Variants in OCA2 observed in about 807,000 individuals in gnomAD.
OCA2 encodes the protein OCA2 melanosomal transmembrane protein, also known as P protein.
OCA2 carries 77 observed loss-of-function variants against 100.2 expected under a neutral mutation model. That is an observed-to-expected ratio of 0.77 (90% confidence interval 0.64 to 0.93). The LOEUF is 0.93. Ranked by LOEUF, OCA2 falls within the 40% of genes least tolerant of loss-of-function variation. The pLI, the probability that OCA2 is intolerant of heterozygous loss-of-function variation, is 0.00. For missense variants in OCA2, 1,062 were observed against 1,089.1 expected, an observed-to-expected ratio of 0.98 and a Z score of 0.35; for synonymous variants, 432 against 439.2, an observed-to-expected ratio of 0.98 and a Z score of 0.21.
chr15:27,746,579 G>C, the OCA2 span, among the ~76,000 whole-genome samples: 1 of 152,112 alleles, frequency 6.6e-6, no homozygotes, highest in Non-Finnish European at 1.5e-5. Flanking sequence ...CCTCTTCTGC[G>C]GAACAACCCT....
intron 1 of OCA2, among the ~76,000 whole-genome samples, chr15:28,097,239 C>G (rs900796676): frequency 1.1e-4 from 16 of 152,190 alleles, no homozygotes; most frequent in African/African-American, 2.9e-4. Flanking sequence ...CGCGCTCCGC[C>G]GAAACTGCGC....
intron 9 of OCA2, among the ~76,000 whole-genome samples, chr15:27,999,118 G>A (rs1162363001): frequency 1.3e-5 from 2 of 151,914 alleles, no homozygotes; most frequent in African/African-American, 4.8e-5. Context: ...GTTAATGGGT[G>A]CAGCACACCA....
chr15:27,788,111 T>C (rs2032904813), intron 23 of OCA2, among the ~76,000 whole-genome samples: 1 of 152,072 alleles, frequency 6.6e-6, no homozygotes, highest in East Asian at 1.9e-4. Flanking sequence ...TCAGTCTTTG[T>C]AAATGTATCA....
chr15:27,831,322 T>C (rs1469271457), intron 23 of OCA2, among the ~76,000 whole-genome samples: 1 of 141,012 alleles, frequency 7.1e-6, no homozygotes. Flanking sequence ...CTGAGTCCAG[T>C]GAGTCCAGGC....
chr15:28,089,582 A>G (rs2044838072), intron 1 of OCA2, among the ~76,000 whole-genome samples: 1 of 152,222 alleles, frequency 6.6e-6, no homozygotes, highest in South Asian at 2.1e-4. Flanking sequence ...TCTAAAAAAA[A>G]TGTTCAATTT....
At chr15:27,827,730 G>T (rs1415820999) in intron 23 of OCA2, among the ~76,000 whole-genome samples, 5 of 152,180 alleles carry the variant, frequency 3.3e-5, no homozygotes, top group African/African-American at 1.2e-4. Context: ...TTAAAAGATT[G>T]TGAGAGCTGA....
intron 2 of OCA2, among the ~76,000 whole-genome samples, chr15:28,035,170 T>C (rs2043013196): frequency 6.6e-6 from 1 of 152,240 alleles, no homozygotes; most frequent in South Asian, 2.1e-4. Context: ...CTGATTTTTA[T>C]TACTGTTTAA....
intron 23 of OCA2, among the ~76,000 whole-genome samples, chr15:27,788,623 G>A (rs552668949): frequency 6.6e-6 from 1 of 152,096 alleles, no homozygotes; most frequent in African/African-American, 2.4e-5. Flanking sequence ...ACCTAAATAT[G>A]TAAACAGATT....
At chr15:27,770,889 CCCATCTCCTT>C (rs1566949265) in intron 23 of OCA2, among the ~76,000 whole-genome samples, 19 of 139,980 alleles carry the variant, frequency 1.4e-4, no homozygotes, top group African/African-American at 3.9e-4. Context: ...TTTGCTCCTT[CCCATCTCCTT>C]TTCCTTCCTT....
At chr15:28,062,623 A>G (rs1182222648) in intron 2 of OCA2, among the ~76,000 whole-genome samples, 1 of 152,220 alleles carries the variant, frequency 6.6e-6, no homozygotes, top group African/African-American at 2.4e-5. Flanking sequence ...AATCTAAGAT[A>G]CTGCATAATT....
intron 23 of OCA2, among the ~76,000 whole-genome samples, chr15:27,831,312 C>T (rs1327641623): frequency 1.2e-5 from 1 of 81,788 alleles, no homozygotes; most frequent in African/African-American, 4.0e-5. Flanking sequence ...AAAAATCGGT[C>T]TGAGTCCAGT....
chr15:28,044,734 A>G (rs1026997405), intron 2 of OCA2, among the ~76,000 whole-genome samples: 9 of 152,290 alleles, frequency 5.9e-5, no homozygotes, highest in African/African-American at 1.7e-4. Flanking sequence ...CTTGGGATCA[A>G]TTGACCCCTG....
intron 17 of OCA2, among the ~76,000 whole-genome samples, chr15:27,954,779 G>A (rs917056519): frequency 6.6e-6 from 1 of 151,948 alleles, no homozygotes; most frequent in African/African-American, 2.4e-5. Context: ...TCCTATGTCT[G>A]CCCCTAAAGC....
At chr15:27,873,326 GTCC>G (rs879657280) in intron 19 of OCA2, among the ~76,000 whole-genome samples, 39 of 152,338 alleles carry the variant, frequency 2.6e-4, no homozygotes, top group Admixed American at 2.1e-3. Flanking sequence ...CACAGCCACT[GTCC>G]TCTGGGGGAG....
chr15:27,966,630 T>G, intron 15 of OCA2, 60 bp downstream of exon 15: 1 of 1,599,680 alleles, frequency 6.3e-7, no homozygotes, highest in Non-Finnish European at 8.6e-7. Context: ...CTTCTCCTGG[T>G]AAACAAACAA....
At chr15:27,989,468 T>C (rs1595773714) in intron 11 of OCA2, 133 bp downstream of exon 11, 1 of 756,936 alleles carries the variant, frequency 1.3e-6, no homozygotes, top group Non-Finnish European at 2.3e-6. Context: ...TCATGAGACC[T>C]GCACTAACAC....
At chr15:28,059,357 C>A (rs2043802081) in intron 2 of OCA2, among the ~76,000 whole-genome samples, 1 of 152,176 alleles carries the variant, frequency 6.6e-6, no homozygotes, top group African/African-American at 2.4e-5. Flanking sequence ...TAAGGTAAAT[C>A]TTATTTTTTC....
At chr15:28,033,590 C>G (rs1436432326) in intron 2 of OCA2, among the ~76,000 whole-genome samples, 1 of 152,148 alleles carries the variant, frequency 6.6e-6, no homozygotes, top group Non-Finnish European at 1.5e-5. Flanking sequence ...AGCACTGGGC[C>G]ACTTCCCATG....
chr15:28,077,905 C>A (rs1258491785), intron 2 of OCA2, among the ~76,000 whole-genome samples: 2 of 152,128 alleles, frequency 1.3e-5, no homozygotes, highest in African/African-American at 4.8e-5. Flanking sequence ...CATGGTGAAA[C>A]CCCGTCTCTA....
Sources: gnomAD v4.1 joint callset for allele counts (sites outside exome capture counted in the v4.1 genomes callset) on GRCh38, gnomAD v4.1.1 for gene constraint, MANE v1.5 for transcripts, NCBI Gene and HGNC (gene_info 2026-07-23, HGNC 2026-07-21) for gene names.